KDM6A: variants seen among roughly 807,000 people sequenced by gnomAD.
KDM6A encodes lysine-specific demethylase 6A.
KDM6A carries 11 observed loss-of-function variants against 117.6 expected under a neutral mutation model. The ratio of observed to expected loss-of-function variants is 0.09; its 90% confidence interval spans 0.06 to 0.15. The LOEUF (loss-of-function observed/expected upper bound fraction) is 0.15. Ranked by LOEUF, KDM6A falls within the 10% of genes least tolerant of loss-of-function variation. The pLI is 1.00. For missense variants in KDM6A, 799 were observed against 1,077.3 expected, an observed-to-expected ratio of 0.74 and a Z score of 3.62; for synonymous variants, 384 against 396.1, an observed-to-expected ratio of 0.97 and a Z score of 0.36.
chrX:44,931,914 T>C (rs780262809), intron 2 of KDM6A, among the ~76,000 whole-genome samples: 2 of 110,009 alleles, frequency 1.8e-5, no homozygotes, highest in South Asian at 3.9e-4. Flanking sequence ...TTTAAAAATA[T>C]CATCTTATTT....
At chrX:44,970,106 G>A (rs191441416) in intron 3 of KDM6A, among the ~76,000 whole-genome samples, 6 of 112,011 alleles carry the variant, frequency 5.4e-5, no homozygotes, top group Admixed American at 9.5e-5. Flanking sequence ...TTCTGATTAA[G>A]AAACAGCACG....
chrX:44,995,500 T>C (rs2040823695), intron 4 of KDM6A, among the ~76,000 whole-genome samples: 1 of 110,866 alleles, frequency 9.0e-6, no homozygotes, highest in Admixed American at 9.6e-5. Context: ...GACGGAGTCT[T>C]GCTCTGTCTC....
At chrX:44,961,500 AC>A in intron 3 of KDM6A, 108 bp downstream of exon 3, 1 of 511,352 alleles carries the variant, frequency 2.0e-6, no homozygotes, top group East Asian at 3.8e-5. Context: ...GCATGAGCAA[AC>A]TAAACAATGA....
At chrX:44,908,536 C>T (rs1057263102) in intron 2 of KDM6A, among the ~76,000 whole-genome samples, 1 of 111,269 alleles carries the variant, frequency 9.0e-6, no homozygotes, top group Non-Finnish European at 1.9e-5. Flanking sequence ...GCCTTCCCAG[C>T]GTGGCTCGTT....
intron 2 of KDM6A, among the ~76,000 whole-genome samples, chrX:44,882,200 GTTTATTAGGAAAAATTTTC>G (rs1251410300): frequency 9.0e-6 from 1 of 111,644 alleles, no homozygotes; most frequent in African/African-American, 3.3e-5. Flanking sequence ...TGAAAAAAAA[GTTTATTAGGAAAAATTTTC>G]AGTGTTTTCA....
intron 4 of KDM6A, among the ~76,000 whole-genome samples, chrX:44,999,474 A>G (rs1225026963): frequency 9.0e-6 from 1 of 111,190 alleles, no homozygotes; most frequent in African/African-American, 3.3e-5. Flanking sequence ...AGAGCAGGCA[A>G]TGAGTCAGGG....
intron 2 of KDM6A, among the ~76,000 whole-genome samples, chrX:44,935,959 G>A (rs1253473788): frequency 8.9e-6 from 1 of 112,223 alleles, no homozygotes; most frequent in Non-Finnish European, 1.9e-5. Flanking sequence ...GAATCACAAA[G>A]GTGGTTGCAG....
At chrX:44,993,380 CT>C (rs202113812) in intron 4 of KDM6A, among the ~76,000 whole-genome samples, 5 of 109,038 alleles carry the variant, frequency 4.6e-5, no homozygotes, top group Non-Finnish European at 7.6e-5. Context: ...ATTTTAATTG[CT>C]TTTTTTTTAT....
intron 4 of KDM6A, among the ~76,000 whole-genome samples, chrX:44,986,960 T>C (rs926436495): frequency 9.0e-6 from 1 of 111,300 alleles, no homozygotes; most frequent in Admixed American, 9.5e-5. Context: ...AATTCCTGGA[T>C]ATCCTTGTTA....
chrX:45,011,919 G>C (rs901692664), intron 5 of KDM6A, among the ~76,000 whole-genome samples: 1 of 110,421 alleles, frequency 9.1e-6, no homozygotes, highest in Non-Finnish European at 1.9e-5. Context: ...CCAAGTAGCT[G>C]GGACCACAGG....
chrX:45,064,020 G>A (rs1378854485), intron 17 of KDM6A, among the ~76,000 whole-genome samples: 2 of 111,694 alleles, frequency 1.8e-5, no homozygotes, highest in Non-Finnish European at 3.8e-5. Context: ...TACCGACATA[G>A]ATAACTTAGC....
chrX:44,958,597 T>C (rs193137750), intron 2 of KDM6A, among the ~76,000 whole-genome samples: 130 of 99,731 alleles, frequency 1.3e-3, no homozygotes, highest in African/African-American at 4.6e-3. Flanking sequence ...GGGACAACTA[T>C]ATAGACCTTT....
chrX:44,880,327 A>G (rs1342961704), intron 2 of KDM6A, among the ~76,000 whole-genome samples: 2 of 110,482 alleles, frequency 1.8e-5, no homozygotes, highest in African/African-American at 6.6e-5. Flanking sequence ...TCATGGGTCA[A>G]TTTAAATTCT....
chrX:44,940,455 C>T (rs1334571180), intron 2 of KDM6A, among the ~76,000 whole-genome samples: 2 of 111,964 alleles, frequency 1.8e-5, no homozygotes, highest in Non-Finnish European at 3.8e-5. Context: ...AGCTGTCAAG[C>T]TCACAGTAGT....
chrX:44,962,917 G>A (rs1240630460), intron 3 of KDM6A, among the ~76,000 whole-genome samples: 1 of 111,633 alleles, frequency 9.0e-6, no homozygotes, highest in Non-Finnish European at 1.9e-5. Flanking sequence ...GGTGGCTGTG[G>A]CAGTTTGTTA....
chrX:45,059,517 C>T lies in KDM6A; in HGVS notation c.1194+51C>T. 6 of 911,000 alleles carry T rather than the reference C, an allele frequency of 6.6e-6. No individual in the cohort carries two copies. In the East Asian group the frequency reaches 1.6e-4, roughly 25 times the overall value. The allele number at this position is 911,000 out of a possible 1,213,427, so 75.1% of individuals were successfully genotyped here. On this transcript the variant is annotated intron_variant, in intron 12 of 29. Transcript: ENST00000611820. ...TAAAGCCACATATTTCCCCAGAACA[C>T]TCAGGCAGAAGGAGGGTGGCTGGAA...
chrX:45,087,969 CT>C, intron 25 of KDM6A, among the ~76,000 whole-genome samples: 1 of 110,819 alleles, frequency 9.0e-6, no homozygotes, highest in South Asian at 3.8e-4. Flanking sequence ...TATTTTATGG[CT>C]TTAAATAATA....
chrX:44,883,317 C>T (rs766583638), intron 2 of KDM6A, among the ~76,000 whole-genome samples: 2 of 110,362 alleles, frequency 1.8e-5, no homozygotes, highest in African/African-American at 3.3e-5. Context: ...GGTATCTGCC[C>T]GTGTCAGCCT....
At chrX:44,931,174 C>T (rs1309090214) in intron 2 of KDM6A, among the ~76,000 whole-genome samples, 1 of 111,215 alleles carries the variant, frequency 9.0e-6, no homozygotes, top group African/African-American at 3.3e-5. Flanking sequence ...AAGAGATTCT[C>T]CTGCCTCAGC....
Sources: gnomAD v4.1 joint callset for allele counts (sites outside exome capture counted in the v4.1 genomes callset) on GRCh38, gnomAD v4.1.1 for gene constraint, MANE v1.5 for transcripts, NCBI Gene and HGNC (gene_info 2026-07-23, HGNC 2026-07-21) for gene names.